The following STAT6 variants were observed in gnomAD, a reference collection of about 807,000 sequenced individuals.
STAT6 encodes the protein signal transducer and activator of transcription 6.
STAT6 carries 45 observed loss-of-function variants against 106.3 expected under a neutral mutation model. The observed-to-expected ratio is 0.42, with a 90% CI of 0.33 to 0.54. STAT6 has a LOEUF of 0.54. STAT6 is among the 20% of genes least tolerant of loss of function. The probability of loss-of-function intolerance (pLI) is 0.06; values close to 1 mark genes in which losing one functional copy is unlikely to be tolerated. For synonymous variants in STAT6, 413 were observed against 413.6 expected, an observed-to-expected ratio of 1.00 and a Z score of 0.02; for missense variants, 797 against 1,062.2, an observed-to-expected ratio of 0.75 and a Z score of 3.47.
chr12:57,101,099 T>C (rs1044538862), intron 13 of STAT6, among the ~76,000 whole-genome samples: 2 of 140,562 alleles, frequency 1.4e-5, no homozygotes, highest in Non-Finnish European at 3.3e-5. Flanking sequence ...CTTTCTTTCT[T>C]TTTTTTTTTA....
chr12:57,105,139 A>G lies in STAT6; in HGVS notation c.1001+12T>C. On this transcript the variant is annotated intron_variant, in intron 9 of 21. Coordinates refer to ENST00000300134, the MANE Select transcript of STAT6 (RefSeq NM_003153.5). ...CAGCCCTTCTCCAACCCCAGGTCCA[A>G]TCCCAGCTTACGCTCCAGCCCCAGG... 6.2e-7 allele frequency: 1 copy of G among 1,604,134 alleles called. No homozygotes were observed. The highest frequency in any genetic ancestry group is 1.7e-5 in the Admixed American group (1 of 59,596).
chr12:57,100,123 G>T, intron 13 of STAT6, 33 bp from the exon 14 acceptor site: 1 of 1,554,860 alleles, frequency 6.4e-7, no homozygotes, highest in South Asian at 1.2e-5. Context: ...GTGAGCCGAG[G>T]GAGGGCCAGA....
chr12:57,102,091 A>G (rs1305196535), intron 13 of STAT6, among the ~76,000 whole-genome samples, 199 bp downstream of exon 13: 1 of 152,182 alleles, frequency 6.6e-6, no homozygotes, highest in African/African-American at 2.4e-5. Context: ...AACCTCAGGG[A>G]TGTCAGAGAA....
At position 57,099,278 on chromosome 12, in the gene STAT6, G is replaced by T. The variant is rs2033663918; in HGVS notation, c.1891+16C>A. 2 of 1,613,978 alleles carry T rather than the reference G, an allele frequency of 1.2e-6. No homozygotes were observed. Among genetic ancestry groups the T allele is most frequent in the East Asian group, 2.2e-5 (1 of 44,884 alleles). ...TGGGTGACAGGAAGGAATCAGAGCT[G>T]CCAGTTCCAGCTCACGCTTGTAGTG... On this transcript the variant is annotated intron_variant, in intron 16 of 21. Transcript: ENST00000300134. The surrounding 1 kb of genome is among the most constrained non-coding windows in gnomAD (Gnocchi z 4.7).
chr12:57,100,239 A>G (rs1409939560), intron 13 of STAT6, 149 bp from the exon 14 acceptor site: 2 of 671,212 alleles, frequency 3.0e-6, no homozygotes, highest in Non-Finnish European at 5.3e-6. Context: ...ACAACGACCA[A>G]TCCTAATGCT....
chr12:57,098,324 G>A (rs762160161), intron 19 of STAT6, among the ~76,000 whole-genome samples, 181 bp downstream of exon 19: 1 of 152,196 alleles, frequency 6.6e-6, no homozygotes, highest in Non-Finnish European at 1.5e-5. Flanking sequence ...AAGTGGTGGA[G>A]CTAGAATTCA....
At chr12:57,109,626 G>A (rs1185511719) in intron 1 of STAT6, among the ~76,000 whole-genome samples, 1 of 152,072 alleles carries the variant, frequency 6.6e-6, no homozygotes, top group Non-Finnish European at 1.5e-5. Flanking sequence ...GGAAGAGACT[G>A]GAAAAAAGGC....
At position 57,100,684 on chromosome 12, in the gene STAT6, GAAAGAAAGAAAGAAAGAGAAAGAAAGAA is replaced by G. The variant is rs1454164809; in HGVS notation, c.1513-622_1513-595del. ...AGAAAGAAAGAAAGAAAGAAAGAAAGAAAGAAAGAAAGAAAGAGAAAGAAAGAAAGAAAGAAAGAAAGAAAGAAAGAAA... is the reference window on the plus strand; with the variant it reads ...AGAAAGAAAGAAAGAAAGAAAGAAAGAGAAAGAAAGAAAGAAAGAAAGAAA... On this transcript the variant is annotated intron_variant, in intron 13 of 21. Coordinates refer to ENST00000300134, the MANE Select transcript of STAT6 (RefSeq NM_003153.5). Among the ~76,000 whole-genome samples, 417 of 66,088 alleles carry G rather than the reference GAAAGAAAGAAAGAAAGAGAAAGAAAGAA, an allele frequency of 6.3e-3. 2 individuals are homozygous for G. Among genetic ancestry groups the G allele is most frequent in the Middle Eastern group, 0.019 (3 of 158 alleles). 43.4% of individuals were successfully genotyped at this position (66,088 alleles called of 152,430 possible).
chr12:57,107,332 G>A lies in STAT6; in HGVS notation c.256-18C>T. 1 of 1,609,514 alleles carries A rather than the reference G, an allele frequency of 6.2e-7. No homozygotes were observed. Among genetic ancestry groups the A allele is most frequent in the South Asian group, 1.1e-5 (1 of 90,966 alleles). ...TATATGCTCTACAGAAATGAGGGTG[G>A]TAAACAGTGAGCTTTGCTCTTACCC... is the stretch of plus-strand genomic sequence containing the variant. On this transcript the variant is annotated intron_variant, in intron 3 of 21. Transcript: ENST00000300134.
chr12:57,096,883 C>T lies in STAT6; in HGVS notation c.2321G>A (p.Ser774Asn), dbSNP rs1372036299. The T allele has an allele frequency of 6.2e-7, 1 of 1,614,118 alleles. No individual in the cohort carries two copies. The highest frequency in any genetic ancestry group is 2.2e-5 in the East Asian group (1 of 44,884). The change falls in exon 21 of 22, where the codon AGC becomes AAC. Residue 774 changes from serine (S) to asparagine (N), a missense_variant. Physicochemically the swap from Ser to Asn is conservative, Grantham distance 46. Coordinates refer to ENST00000300134, the MANE Select transcript of STAT6 (RefSeq NM_003153.5). ...DVTMVEDSCLSQPVTAFPQGT... is the reference protein window; with the variant it reads ...DVTMVEDSCLNQPVTAFPQGT... The stretch of plus-strand genomic sequence containing the variant: ...CTGAGGAAACGCTGTCACTGGCTGG[C>T]TCAGGCAGCTGTCTTCCACCATGGT...
chr12:57,102,103 G>A (rs1042810905), intron 13 of STAT6, among the ~76,000 whole-genome samples, 187 bp downstream of exon 13: 6 of 152,172 alleles, frequency 3.9e-5, no homozygotes, highest in Admixed American at 2.0e-4. Flanking sequence ...GTCAGAGAAC[G>A]CATCTCCAGA....
intron 9 of STAT6, 49 bp from the exon 10 acceptor site, chr12:57,104,862 G>T: frequency 6.3e-7 from 1 of 1,595,120 alleles, no homozygotes; most frequent in Non-Finnish European, 8.6e-7. Context: ...CTGTCGTCAG[G>T]TGTGGCGAGT....
At chr12:57,106,156 G>A in intron 7 of STAT6, 35 bp downstream of exon 7, 1 of 1,611,516 alleles carries the variant, frequency 6.2e-7, no homozygotes, top group Non-Finnish European at 8.5e-7. Flanking sequence ...CCCACCCCCA[G>A]CTTGCCCCCT....
chr12:57,110,882 G>A (rs2034543476), intron 1 of STAT6, among the ~76,000 whole-genome samples: 1 of 152,124 alleles, frequency 6.6e-6, no homozygotes, highest in Non-Finnish European at 1.5e-5. Context: ...ATGGCCCTGG[G>A]GGTGCAGGGG....
Position 57,096,474 on chromosome 12 carries a change from T to G in STAT6, c.*98A>C, listed in dbSNP as rs745618822. The G allele has an allele frequency of 2.4e-6, 3 of 1,239,872 alleles. No homozygotes were observed. The highest frequency in any genetic ancestry group is 3.4e-6 in the Non-Finnish European group (3 of 891,814). 76.8% of individuals were successfully genotyped at this position (1,239,872 alleles called of 1,614,324 possible). On this transcript the variant is annotated 3_prime_UTR_variant, in exon 22 of 22. Coordinates refer to ENST00000300134, the MANE Select transcript of STAT6 (RefSeq NM_003153.5). The stretch of plus-strand genomic sequence containing the variant: ...AGTAGGTGGGGATAGGAGGGCACCC[T>G]CCCCATCTGCTGCTTGGCAGGGCAT...
rs116388854 is a variant in STAT6, at chr12:57,099,677, C to T, written c.1744+90G>A. On this transcript the variant is annotated intron_variant, in intron 15 of 21. Coordinates refer to ENST00000300134, the MANE Select transcript of STAT6 (RefSeq NM_003153.5). This position sits in a 1 kb window ranked among gnomAD's most constrained non-coding sequence, Gnocchi z 4.7. ...GGAAGAACTTCCTGAAGATCAGGAT[C>T]GGCATCAGGAAGGTCAGGACATTTC... is the stretch of plus-strand genomic sequence containing the variant. 5.8e-5 allele frequency: 89 copies of T among 1,544,714 alleles called. No homozygotes were observed. The Middle Eastern group carries it at 8.1e-4, about 14-fold the overall frequency.
Position 57,106,540 on chromosome 12 carries a change from A to C in STAT6, c.519T>G (p.Thr173=). ...HSLIETPANG[T]GPSEALAMLL... Reference sequence around the variant, plus strand: ...GCCCATTACTCACCTCACTTGGCCCAGTCCCATTAGCAGGAGTTTCTATCA... The same window carrying C: ...GCCCATTACTCACCTCACTTGGCCCCGTCCCATTAGCAGGAGTTTCTATCA... The change falls in exon 6 of 22, where the codon ACT becomes ACG. Residue 173 remains threonine, a synonymous_variant. Coordinates refer to ENST00000300134, the MANE Select transcript of STAT6 (RefSeq NM_003153.5). 6.2e-7 allele frequency: 1 copy of C among 1,614,174 alleles called. No homozygotes were observed.
chr12:57,102,916 CAG>C lies in STAT6; in HGVS notation c.1216_1217del (p.Leu406ValfsTer28). On this transcript the variant is annotated frameshift_variant, in exon 12 of 22. Coordinates refer to ENST00000300134, the MANE Select transcript of STAT6 (RefSeq NM_003153.5). LOFTEE classifies it high-confidence loss of function. ...GGACGATGACCACCAGGGGCAGAGA[CAG>C]GGCCTGAAGAGGGTGAGGACAGGGG... ...PGKLPIQLQALSLPLVVIVHG... is the reference protein window; with the variant it reads ...PGKLPIQLQAXSLPLVVIVHG... 1 of 1,589,834 alleles carries C rather than the reference CAG, an allele frequency of 6.3e-7. No homozygotes were observed. Among genetic ancestry groups the C allele is most frequent in the Non-Finnish European group, 8.6e-7 (1 of 1,167,652 alleles).
intron 7 of STAT6, 168 bp from the exon 8 acceptor site, chr12:57,105,767 G>T: frequency 8.3e-7 from 1 of 1,199,836 alleles, no homozygotes; most frequent in Non-Finnish European, 1.1e-6. Flanking sequence ...TGATCTGTTG[G>T]CCTAGGGTCT....
Sources: gnomAD v4.1 joint callset for allele counts (sites outside exome capture counted in the v4.1 genomes callset) on GRCh38, gnomAD v4.1.1 for gene constraint, Gnocchi (gnomAD v3.1) non-coding constraint, MANE v1.5 for transcripts, NCBI Gene and HGNC (gene_info 2026-07-23, HGNC 2026-07-21) for gene names.